Variants in MIGA2 observed in about 807,000 individuals in gnomAD.
The protein encoded by MIGA2 is mitoguardin 2, also known as family with sequence similarity 73, member B.
A neutral mutation model predicts 69.9 loss-of-function variants in MIGA2; 36 were observed. The ratio of observed to expected loss-of-function variants is 0.52; its 90% CI spans 0.39 to 0.68. The LOEUF is 0.68. Among genes scored for constraint, MIGA2 ranks in the 30% least tolerant of loss-of-function variants. The pLI, the probability that MIGA2 is intolerant of heterozygous loss-of-function variation, is 0.00. For missense variants in MIGA2, 660 were observed against 787.7 expected (o/e 0.84, Z 1.94); for synonymous variants, 333 against 349.2 (o/e 0.95, Z 0.52).
rs766973180 is a variant in MIGA2 at position 129,060,123 on chromosome 9, G to T, written c.794-427G>T. ...GAGCACGGAGGGGAACTCCAGGTTA[G>T]TGGCTGTGGACTCTTTCGAGCCCTT... On this transcript the variant is annotated intron_variant, in intron 7 of 15. Transcript: ENST00000684074. This position sits in a 1 kb window ranked among gnomAD's most constrained non-coding sequence, Gnocchi z 4.8. 5.3e-5 allele frequency among the ~76,000 whole-genome samples: 8 copies of T among 152,200 alleles called. No individual in the cohort carries two copies. Among genetic ancestry groups the T allele is most frequent in the Non-Finnish European group, 8.8e-5 (6 of 68,032 alleles).
chr9:129,062,734 C>T (rs1846131879), intron 9 of MIGA2, among the ~76,000 whole-genome samples: 1 of 151,938 alleles, frequency 6.6e-6, no homozygotes, highest in Non-Finnish European at 1.5e-5. Flanking sequence ...GTCCCAGCTA[C>T]TTGGGAGGCT....
At chr9:129,053,349 T>C (rs752952661) in intron 6 of MIGA2, among the ~76,000 whole-genome samples, 10 of 152,148 alleles carry the variant, frequency 6.6e-5, no homozygotes, top group South Asian at 2.1e-4. Flanking sequence ...AGGCATTTTT[T>C]TCTGTCTATT....
chr9:129,067,988 C>A, intron 12 of MIGA2, 117 bp downstream of exon 12: 2 of 1,305,708 alleles, frequency 1.5e-6, no homozygotes, highest in Non-Finnish European at 2.2e-6. Context: ...TCCATCACTG[C>A]TCATAGTCCC....
chr9:129,049,611 T>C (rs1008132984), intron 5 of MIGA2, 113 bp downstream of exon 5: 15 of 1,260,398 alleles, frequency 1.2e-5, no homozygotes, highest in Non-Finnish European at 2.3e-6. Context: ...CTGCCCCAAA[T>C]CCCAACTGGG....
At chr9:129,067,161 A>G (rs536649771) in intron 11 of MIGA2, among the ~76,000 whole-genome samples, 203 of 149,912 alleles carry the variant, frequency 1.4e-3, no homozygotes, top group African/African-American at 4.8e-3. Context: ...AAAAAAAATC[A>G]CGAGTTAATC....
rs766064967 is a variant in MIGA2, at chr9:129,070,632, C to T, written c.*179C>T. 4.4e-6 allele frequency: 3 copies of T among 674,934 alleles called. No individual in the cohort carries two copies. The allele number at this position is 674,934 out of a possible 1,614,324, so 41.8% of individuals were successfully genotyped here. A position where few individuals can be genotyped will look rare whatever the true frequency, so the allele number is the denominator to read the frequency against. ...GGAGAAGAACGGTTCCTGGGGGAAG[C>T]AGAGGCCAGGACCAGTGGGGCCTGT... is the stretch of plus-strand genomic sequence containing the variant. On this transcript the variant is annotated 3_prime_UTR_variant, in exon 16 of 16. Transcript: ENST00000684074.
At chr9:129,066,076 G>C (rs187208266) in intron 11 of MIGA2, among the ~76,000 whole-genome samples, 1 of 152,236 alleles carries the variant, frequency 6.6e-6, no homozygotes, top group Non-Finnish European at 1.5e-5. Context: ...AGTGAGCTCA[G>C]TGTATACTCA....
At chr9:129,064,835 T>C (rs1846257707) in intron 11 of MIGA2, among the ~76,000 whole-genome samples, 2 of 150,580 alleles carry the variant, frequency 1.3e-5, no homozygotes, top group African/African-American at 4.9e-5. Flanking sequence ...CAGTCTGGAG[T>C]GCAATGTCAC....
chr9:129,039,171 TTGTTTG>T (rs1166148918), intron 1 of MIGA2, among the ~76,000 whole-genome samples: 94 of 126,452 alleles, frequency 7.4e-4, no homozygotes, highest in African/African-American at 2.4e-3. Context: ...GAGTAGCTCT[TTGTTTG>T]TGTGTGTGTG....
At chr9:129,049,606 C>A in intron 5 of MIGA2, 108 bp downstream of exon 5, 1 of 1,270,690 alleles carries the variant, frequency 7.9e-7, no homozygotes, top group Non-Finnish European at 1.1e-6. Context: ...CTACCCTGCC[C>A]CAAATCCCAA....
Position 129,061,770 on chromosome 9 carries a change from C to T in MIGA2, c.1010+424C>T, listed in dbSNP as rs1220866592. ...TTCTCAGCGGGTACAGCCACAGCCA[C>T]ACAGGGGGCACTGGTCCTAAGCGCA... On this transcript the variant is annotated intron_variant, in intron 9 of 15. Transcript: ENST00000684074. The surrounding 1 kb of genome is among the most constrained non-coding windows in gnomAD (Gnocchi z 5.0). 6.6e-6 allele frequency among the ~76,000 whole-genome samples: 1 copy of T among 152,176 alleles called. No individual in the cohort carries two copies. The highest frequency in any genetic ancestry group is 1.5e-5 in the Non-Finnish European group (1 of 68,030).
intron 1 of MIGA2, among the ~76,000 whole-genome samples, chr9:129,037,499 G>A (rs1844656825): frequency 6.6e-6 from 1 of 152,116 alleles, no homozygotes. Flanking sequence ...GGAGGTGGAG[G>A]GGTCTCAGCT....
intron 1 of MIGA2, among the ~76,000 whole-genome samples, chr9:129,038,422 G>A (rs1844712594): frequency 6.6e-6 from 1 of 152,138 alleles, no homozygotes; most frequent in Non-Finnish European, 1.5e-5. Flanking sequence ...CTTGGGCTTG[G>A]AGCTGGAAGT....
intron 3 of MIGA2, among the ~76,000 whole-genome samples, chr9:129,045,140 G>C (rs1845145301): frequency 7.0e-6 from 1 of 143,014 alleles, no homozygotes; most frequent in Non-Finnish European, 1.5e-5. Flanking sequence ...GACAGAGCGA[G>C]ACTCTATCTC....
intron 6 of MIGA2, among the ~76,000 whole-genome samples, chr9:129,055,704 CCGGGCGTAGTGG>C: frequency 6.6e-6 from 1 of 152,000 alleles, no homozygotes; most frequent in Non-Finnish European, 1.5e-5. Flanking sequence ...AAAAAATTAG[CCGGGCGTAGTGG>C]CGGGCACCTG....
chr9:129,039,634 C>CT (rs1255204311), intron 1 of MIGA2, among the ~76,000 whole-genome samples: 1 of 152,182 alleles, frequency 6.6e-6, no homozygotes, highest in Non-Finnish European at 1.5e-5. Context: ...TCTCAGCTCA[C>CT]TGCAACCTCT....
At position 129,071,646 on chromosome 9, in the gene MIGA2, C is replaced by T. The variant is rs1378645006; in HGVS notation, c.*1193C>T. 2.0e-5 allele frequency: 3 copies of T among 152,108 alleles called. No homozygotes were observed. The highest frequency in any genetic ancestry group is 7.2e-5 in the African/African-American group (3 of 41,428). The allele number at this position is 152,108 out of a possible 1,614,324, so 9.4% of individuals were successfully genotyped here. On this transcript the variant is annotated 3_prime_UTR_variant, in exon 16 of 16. Coordinates refer to ENST00000684074, the MANE Select transcript of MIGA2 (RefSeq NM_001329990.2). ...CCTCTCCCCTGAATGGGAAAGGGGT[C>T]TGGGGATGGGAGGGCGCACCACAGA...
chr9:129,057,513 G>T (rs539993954), intron 6 of MIGA2, among the ~76,000 whole-genome samples: 112 of 151,798 alleles, frequency 7.4e-4, no homozygotes, highest in Non-Finnish European at 1.4e-3. Flanking sequence ...GGATGGTCTC[G>T]ATCTCCTGAC....
chr9:129,043,345 G>A (rs1171962713), intron 3 of MIGA2, among the ~76,000 whole-genome samples: 1 of 151,588 alleles, frequency 6.6e-6, no homozygotes. Flanking sequence ...TCACTCAGTC[G>A]ATTGCTCACA....
Sources: allele counts gnomAD v4.1 joint callset (sites outside exome capture counted in the v4.1 genomes callset), GRCh38; gene constraint gnomAD v4.1.1; non-coding constraint Gnocchi (gnomAD v3.1); transcripts MANE v1.5; gene names NCBI Gene and HGNC (gene_info 2026-07-23, HGNC 2026-07-21).